CCDC136: variants seen among roughly 807,000 people sequenced by gnomAD.
CCDC136 encodes the protein coiled-coil domain containing 136.
CCDC136 carries 100 observed loss-of-function variants against 141.2 expected under a neutral mutation model. The observed-to-expected ratio is 0.71, with a 90% CI of 0.60 to 0.84. CCDC136 has a LOEUF of 0.84. CCDC136 is among the 40% of genes least tolerant of loss of function. The probability of loss-of-function intolerance (pLI) is 0.00; values close to 1 mark genes in which losing one functional copy is unlikely to be tolerated. For synonymous variants in CCDC136, 474 were observed against 531.9 expected (o/e 0.89, Z 1.50); for missense variants, 1,206 against 1,379.4 (o/e 0.87, Z 1.99).
At chr7:128,818,377 T>C (rs1466691631) in intron 17 of CCDC136, 1 of 158,556 alleles carries the variant, frequency 6.3e-6, no homozygotes, top group Non-Finnish European at 1.4e-5. Flanking sequence ...CTGATCCTCA[T>C]GATCCTCCCA....
At chr7:128,791,831 A>G, upstream of CCDC136, 1 of 374,556 alleles carries the variant, frequency 2.7e-6, no homozygotes, top group Non-Finnish European at 4.7e-6. The surrounding 1 kb of genome is among the most constrained non-coding windows in gnomAD (Gnocchi z 7.1). Flanking sequence ...TGCAGACCCT[A>G]CACCTCCTGC....
intron 1 of CCDC136, among the ~76,000 whole-genome samples, chr7:128,792,975 C>CACCTGCCA (rs1802414108): frequency 1.3e-5 from 2 of 152,230 alleles, no homozygotes; most frequent in Non-Finnish European, 2.9e-5. Context: ...TTGCTGCCAA[C>CACCTGCCA]ACCAGGCCCC....
intron 10 of CCDC136, 130 bp from the exon 11 acceptor site, chr7:128,809,320 T>G (rs1585099570): frequency 2.2e-4 from 143 of 662,060 alleles, no homozygotes; most frequent in Non-Finnish European, 5.3e-6. Flanking sequence ...TGGCTTGGGG[T>G]GACCAGTCCA....
At chr7:128,820,292 G>A (rs747084589) in intron 17 of CCDC136, among the ~76,000 whole-genome samples, 1 of 152,154 alleles carries the variant, frequency 6.6e-6, no homozygotes, top group Non-Finnish European at 1.5e-5. Flanking sequence ...CATATTATCT[G>A]CAAAGATCAT....
At chr7:128,791,857 T>C (rs1802214157), upstream of CCDC136, 4 of 388,242 alleles carry the variant, frequency 1.0e-5, no homozygotes, top group Non-Finnish European at 1.7e-5. This position sits in a 1 kb window ranked among gnomAD's most constrained non-coding sequence, Gnocchi z 7.1. Flanking sequence ...CGGAGACTCC[T>C]GAGCGCGGGG....
intron 4 of CCDC136, among the ~76,000 whole-genome samples, chr7:128,802,330 AGCAGAG>A (rs1562912842): frequency 6.6e-6 from 1 of 152,142 alleles, no homozygotes; most frequent in Non-Finnish European, 1.5e-5. Flanking sequence ...GGCCAGGTCA[AGCAGAG>A]GCAATCAACA....
At chr7:128,796,976 C>T (rs1255669697) in intron 3 of CCDC136, among the ~76,000 whole-genome samples, 6 of 151,508 alleles carry the variant, frequency 4.0e-5, no homozygotes, top group East Asian at 3.9e-4. Context: ...CTCCTGACCT[C>T]GTGATCCGCC....
chr7:128,810,468 C>A, intron 12 of CCDC136, 102 bp downstream of exon 12: 2 of 812,370 alleles, frequency 2.5e-6, no homozygotes, highest in Non-Finnish European at 3.9e-6. Context: ...GCGTGTTTGG[C>A]CAGGGGTAAG....
intron 3 of CCDC136, among the ~76,000 whole-genome samples, chr7:128,798,904 G>T (rs528325500): frequency 6.6e-6 from 1 of 152,176 alleles, no homozygotes; most frequent in African/African-American, 2.4e-5. Context: ...CAAAAGACAT[G>T]CCCATAGTTC....
intron 14 of CCDC136, among the ~76,000 whole-genome samples, chr7:128,814,143 T>C (rs924804164): frequency 4.6e-5 from 7 of 151,636 alleles, no homozygotes; most frequent in Non-Finnish European, 4.4e-5. Context: ...TGGAGTGCAG[T>C]GGCACGATCT....
chr7:128,804,537 A>G, intron 4 of CCDC136, 113 bp from the exon 5 acceptor site: 3 of 665,732 alleles, frequency 4.5e-6, no homozygotes, highest in Non-Finnish European at 5.3e-6. Context: ...TCTTTAGAAA[A>G]AGAGAAGCTC....
intron 17 of CCDC136, among the ~76,000 whole-genome samples, chr7:128,820,179 G>A (rs748439601): frequency 4.9e-4 from 74 of 152,198 alleles, no homozygotes; most frequent in Non-Finnish European, 8.2e-4. Flanking sequence ...ACAGAGTGAG[G>A]ACAGAGCCTC....
chr7:128,797,958 C>A (rs1416209965), intron 3 of CCDC136, among the ~76,000 whole-genome samples: 2 of 151,096 alleles, frequency 1.3e-5, no homozygotes, highest in Non-Finnish European at 3.0e-5. Flanking sequence ...CGCTGTGTCG[C>A]CCAGGCTGGA....
intron 10 of CCDC136, chr7:128,808,340 A>C (rs1805187051): frequency 2.5e-6 from 1 of 404,690 alleles, no homozygotes; most frequent in Non-Finnish European, 3.3e-6. Flanking sequence ...CCCTGCCAGT[A>C]ATTAAATTGT....
rs765486541 is a variant in CCDC136 at position 128,817,852 on chromosome 7, C to T, written c.3458C>T (p.Ser1153Leu). 7 of 1,613,144 alleles carry T rather than the reference C, an allele frequency of 4.3e-6. No homozygotes were observed. Among genetic ancestry groups the T allele is most frequent in the African/African-American group, 4.0e-5 (3 of 74,866 alleles). ...CTCTGGTGCTGGTGGGCTGAGACGT[C>T]GTCCTAATGCAGGTACTGGTATTGC... ...ALLWCWWAET[S>L]S Residue 1153 changes from serine (S) to leucine (L), a missense_variant, in exon 17 of 18, where the codon TCG becomes TTG. Ser to Leu is a moderately radical substitution (Grantham distance 145). Transcript: ENST00000297788. This position sits in a 1 kb window ranked among gnomAD's most constrained non-coding sequence, Gnocchi z 4.6.
chr7:128,796,739 A>ATATATATATTTTTTTTTTTT, intron 3 of CCDC136, among the ~76,000 whole-genome samples: 1 of 113,376 alleles, frequency 8.8e-6, no homozygotes, highest in African/African-American at 4.6e-5. Flanking sequence ...ATATATATAT[A>ATATATATATTTTTTTTTTTT]TTCTTTTTTT....
At chr7:128,820,792 A>G (rs1807340376) in intron 17 of CCDC136, among the ~76,000 whole-genome samples, 1 of 152,100 alleles carries the variant, frequency 6.6e-6, no homozygotes, top group African/African-American at 2.4e-5. Flanking sequence ...TTTCCATTTC[A>G]TACCTTCTGT....
chr7:128,813,215 A>G (rs1349084142), intron 14 of CCDC136, among the ~76,000 whole-genome samples: 2 of 152,028 alleles, frequency 1.3e-5, no homozygotes, highest in African/African-American at 4.8e-5. Context: ...GTATTTTTGC[A>G]TTTGCCAATC....
At chr7:128,808,347 T>C (rs1805187549) in intron 10 of CCDC136, 1 of 452,844 alleles carries the variant, frequency 2.2e-6, no homozygotes, top group East Asian at 1.6e-4. Context: ...AGTAATTAAA[T>C]TGTGGAAGGT....
Sources: allele counts gnomAD v4.1 joint callset (sites outside exome capture counted in the v4.1 genomes callset), GRCh38; gene constraint gnomAD v4.1.1; non-coding constraint Gnocchi (gnomAD v3.1); transcripts MANE v1.5; gene names NCBI Gene and HGNC (gene_info 2026-07-23, HGNC 2026-07-21).